The following ST6GALNAC3 variants were observed in gnomAD, a reference collection of about 807,000 sequenced individuals.
The protein encoded by ST6GALNAC3 is ST6 N-acetylgalactosaminide alpha-2,6-sialyltransferase 3.
ST6GALNAC3 carries 25 observed loss-of-function variants against 32.7 expected under a neutral mutation model. The observed-to-expected ratio is 0.76, with a 90% CI of 0.56 to 1.07. ST6GALNAC3 has a LOEUF of 1.07. ST6GALNAC3 is among the 50% of genes least tolerant of loss of function. The pLI, the probability that ST6GALNAC3 is intolerant of heterozygous loss-of-function variation, is 0.00. For missense variants in ST6GALNAC3, 355 were observed against 382.4 expected, an observed-to-expected ratio of 0.93 and a Z score of 0.60; for synonymous variants, 129 against 133.1, an observed-to-expected ratio of 0.97 and a Z score of 0.21.
At chr1:76,424,887 G>A (rs749881736) in intron 3 of ST6GALNAC3, among the ~76,000 whole-genome samples, 9 of 151,798 alleles carry the variant, frequency 5.9e-5, no homozygotes, top group Admixed American at 1.3e-4. Flanking sequence ...AGAGATTTTT[G>A]TTTTGAGTCC....
chr1:76,172,982 C>T (rs535631838), intron 1 of ST6GALNAC3, among the ~76,000 whole-genome samples: 1 of 152,198 alleles, frequency 6.6e-6, no homozygotes, highest in South Asian at 2.1e-4. Flanking sequence ...TTAGAAAAAT[C>T]GATTTTAAAT....
At chr1:76,252,546 C>T (rs138823278) in intron 1 of ST6GALNAC3, among the ~76,000 whole-genome samples, 1 of 151,884 alleles carries the variant, frequency 6.6e-6, no homozygotes, top group Non-Finnish European at 1.5e-5. Flanking sequence ...TGAGGATGGC[C>T]CCCCCTTTTT....
At chr1:76,144,718 A>G (rs762160108) in intron 1 of ST6GALNAC3, among the ~76,000 whole-genome samples, 4 of 152,218 alleles carry the variant, frequency 2.6e-5, no homozygotes, top group Admixed American at 6.5e-5. Flanking sequence ...AAACTAGTCT[A>G]TAGTTCCTGG....
intron 2 of ST6GALNAC3, among the ~76,000 whole-genome samples, chr1:76,319,626 T>C (rs1463364020): frequency 5.3e-5 from 8 of 152,220 alleles, no homozygotes; most frequent in Non-Finnish European, 7.3e-5. Flanking sequence ...TACGTAAGTA[T>C]ATTGAGAGCA....
intron 3 of ST6GALNAC3, among the ~76,000 whole-genome samples, chr1:76,546,808 C>T (rs895587880): frequency 6.6e-6 from 1 of 152,204 alleles, no homozygotes; most frequent in African/African-American, 2.4e-5. Context: ...ATAACAGTTC[C>T]TCTGTGGACA....
chr1:76,126,430 T>TCCTA (rs1649249164), intron 1 of ST6GALNAC3, among the ~76,000 whole-genome samples: 1 of 94,948 alleles, frequency 1.1e-5, no homozygotes, highest in Non-Finnish European at 2.2e-5. Context: ...TGCCTTTCCT[T>TCCTA]CCTTCCTTCC....
chr1:76,453,467 T>C (rs753734715), intron 3 of ST6GALNAC3, among the ~76,000 whole-genome samples: 11 of 152,254 alleles, frequency 7.2e-5, no homozygotes, highest in Middle Eastern at 3.4e-3. Context: ...GAGGTTTTGA[T>C]AGGTTTTGGC....
intron 2 of ST6GALNAC3, among the ~76,000 whole-genome samples, chr1:76,319,120 A>AG (rs1646920913): frequency 6.6e-6 from 1 of 152,172 alleles, no homozygotes; most frequent in South Asian, 2.1e-4. Flanking sequence ...ATTGGTAATC[A>AG]GTGAGGGTGA....
chr1:76,163,036 G>C (rs1326233846), intron 1 of ST6GALNAC3, among the ~76,000 whole-genome samples: 2 of 152,214 alleles, frequency 1.3e-5, no homozygotes, highest in African/African-American at 4.8e-5. Context: ...AATGGCAACT[G>C]TCATTATTCT....
chr1:76,459,553 G>T (rs1658131932), intron 3 of ST6GALNAC3, among the ~76,000 whole-genome samples: 1 of 142,808 alleles, frequency 7.0e-6, no homozygotes, highest in African/African-American at 2.6e-5. Context: ...GACAGAGCAA[G>T]ACTCCATCTC....
intron 1 of ST6GALNAC3, among the ~76,000 whole-genome samples, chr1:76,133,078 G>A (rs1015994346): frequency 1.1e-4 from 17 of 152,116 alleles, no homozygotes; most frequent in Non-Finnish European, 2.5e-4. Flanking sequence ...TGCTATAGTA[G>A]GGGGATGGGT....
Position 76,302,657 on chromosome 1 carries a change from G to A in ST6GALNAC3, c.19-11148G>A, listed in dbSNP as rs541004252. On this transcript the variant is annotated intron_variant, in intron 1 of 4. Transcript: ENST00000328299. ...AGTGCTCTAAGGGCTTTTTATATGCGATAACTCATTTAAACCTTCAATAAT... is the reference window on the plus strand; with the variant it reads ...AGTGCTCTAAGGGCTTTTTATATGCAATAACTCATTTAAACCTTCAATAAT... 2.4e-4 allele frequency among the ~76,000 whole-genome samples: 37 copies of A among 151,968 alleles called. 1 individual carries two copies. The South Asian group carries it at 6.7e-3, about 27-fold the overall frequency.
intron 1 of ST6GALNAC3, among the ~76,000 whole-genome samples, chr1:76,121,753 C>G (rs530401542): frequency 1.3e-5 from 2 of 152,100 alleles, no homozygotes; most frequent in Non-Finnish European, 2.9e-5. Context: ...CACACCACTG[C>G]CCTGCACACA....
At chr1:76,499,782 G>T (rs1354924067) in intron 3 of ST6GALNAC3, among the ~76,000 whole-genome samples, 1 of 152,144 alleles carries the variant, frequency 6.6e-6, no homozygotes, top group African/African-American at 2.4e-5. Context: ...GCCCAGAATT[G>T]ACAGATGGAG....
At chr1:76,262,100 G>T (rs1371975404) in intron 1 of ST6GALNAC3, among the ~76,000 whole-genome samples, 1 of 152,168 alleles carries the variant, frequency 6.6e-6, no homozygotes, top group Non-Finnish European at 1.5e-5. Context: ...CTTTAATAAT[G>T]ATGATGTGAT....
chr1:76,380,928 T>G (rs921282756), intron 2 of ST6GALNAC3, among the ~76,000 whole-genome samples: 1 of 152,194 alleles, frequency 6.6e-6, no homozygotes, highest in Non-Finnish European at 1.5e-5. Flanking sequence ...TAAGGACTAT[T>G]TCATTTTAAG....
At chr1:76,571,624 T>A (rs1665864393) in intron 3 of ST6GALNAC3, among the ~76,000 whole-genome samples, 1 of 152,132 alleles carries the variant, frequency 6.6e-6, no homozygotes, top group African/African-American at 2.4e-5. Flanking sequence ...CTGGATCAAA[T>A]AATTGAAGAA....
intron 3 of ST6GALNAC3, among the ~76,000 whole-genome samples, chr1:76,434,113 G>T (rs543358958): frequency 6.6e-6 from 1 of 152,256 alleles, no homozygotes; most frequent in South Asian, 2.1e-4. Context: ...AGGTGGCAGG[G>T]CACTGAATAA....
chr1:76,597,247 T>G (rs781050480), intron 3 of ST6GALNAC3, among the ~76,000 whole-genome samples: 1 of 152,210 alleles, frequency 6.6e-6, no homozygotes, highest in Non-Finnish European at 1.5e-5. Flanking sequence ...TAATCTCACT[T>G]ATTTACTCAG....
Sources: allele counts gnomAD v4.1 joint callset (sites outside exome capture counted in the v4.1 genomes callset), GRCh38; gene constraint gnomAD v4.1.1; transcripts MANE v1.5; gene names NCBI Gene and HGNC (gene_info 2026-07-23, HGNC 2026-07-21).